The following MPDZ variants were observed in gnomAD, a reference collection of about 807,000 sequenced individuals.
MPDZ encodes multiple PDZ domain crumbs cell polarity complex component, also known as multiple PDZ domain protein.
A neutral mutation model predicts 239.1 loss-of-function variants in MPDZ; 234 were observed. The observed-to-expected ratio is 0.98, with a 90% confidence interval of 0.88 to 1.09. MPDZ has a LOEUF of 1.09. Among genes scored for constraint, MPDZ ranks in the 50% least tolerant of loss-of-function variants. The pLI is 0.00. For synonymous variants in MPDZ, 1,048 were observed against 881.3 expected (o/e 1.19, Z -3.35); for missense variants, 3,175 against 2,510.0 (o/e 1.26, Z -5.66).
chr9:13,219,617 G>A lies in MPDZ; in HGVS notation c.1028C>T (p.Ala343Val). Residue 343 changes from alanine to valine, a missense_variant, in exon 8 of 47, where the codon GCA becomes GTA. Coordinates refer to ENST00000319217, the MANE Select transcript of MPDZ (RefSeq NM_001378778.1). ...IARGAIEERTAPTALGITLSS... is the reference protein window; with the variant it reads ...IARGAIEERTVPTALGITLSS... ...GAGGGTGATGCCCAAAGCAGTGGGT[G>A]CTGTACGTTCTTCTATGGCACCTCT... The A allele has an allele frequency of 6.2e-7, 1 of 1,612,434 alleles. No individual in the cohort carries two copies. Among genetic ancestry groups the A allele is most frequent in the Non-Finnish European group, 8.5e-7 (1 of 1,179,100 alleles).
intron 22 of MPDZ, among the ~76,000 whole-genome samples, chr9:13,163,055 A>G (rs976255148): frequency 9.9e-5 from 15 of 152,152 alleles, no homozygotes; most frequent in African/African-American, 3.6e-4. Flanking sequence ...GCAGAGAAGG[A>G]AAACAATTAT....
At chr9:13,149,662 GCAC>G (rs1948893631) in intron 25 of MPDZ, among the ~76,000 whole-genome samples, 1 of 152,024 alleles carries the variant, frequency 6.6e-6, no homozygotes, top group Non-Finnish European at 1.5e-5. Context: ...GCCTGTTATA[GCAC>G]CTGGAATGCA....
intron 21 of MPDZ, among the ~76,000 whole-genome samples, chr9:13,174,519 G>C (rs954853180): frequency 6.6e-6 from 1 of 152,088 alleles, no homozygotes; most frequent in African/African-American, 2.4e-5. Flanking sequence ...ATGCACACTG[G>C]AGTATAAAAG....
At chr9:13,116,454 A>T (rs1943463492) in intron 39 of MPDZ, among the ~76,000 whole-genome samples, 1 of 152,208 alleles carries the variant, frequency 6.6e-6, no homozygotes, top group Admixed American at 6.5e-5. Flanking sequence ...TTATTCAGTG[A>T]TGAGAGTACA....
At chr9:13,138,258 C>A (rs1947134697) in intron 28 of MPDZ, 105 bp from the exon 29 acceptor site, 1 of 1,207,710 alleles carries the variant, frequency 8.3e-7, no homozygotes, top group Non-Finnish European at 1.1e-6. Context: ...AGATTTTATA[C>A]CAAAATGTAC....
intron 32 of MPDZ, among the ~76,000 whole-genome samples, chr9:13,127,939 A>C (rs1374771150): frequency 6.6e-6 from 1 of 152,216 alleles, no homozygotes; most frequent in Non-Finnish European, 1.5e-5. Flanking sequence ...TGGAATAATA[A>C]TACTTGTCAC....
At chr9:13,252,168 TTGG>T (rs1968214315) in intron 1 of MPDZ, among the ~76,000 whole-genome samples, 1 of 152,118 alleles carries the variant, frequency 6.6e-6, no homozygotes, top group East Asian at 1.9e-4. Context: ...AACAAATAAA[TTGG>T]TGATTTATTT....
At chr9:13,193,571 A>T (rs1200863930) in intron 13 of MPDZ, among the ~76,000 whole-genome samples, 1 of 152,168 alleles carries the variant, frequency 6.6e-6, no homozygotes, top group African/African-American at 2.4e-5. Flanking sequence ...GTTTCTCATA[A>T]ATAGGTACAA....
At chr9:13,215,965 T>C (rs1382075950) in intron 10 of MPDZ, among the ~76,000 whole-genome samples, 1 of 147,830 alleles carries the variant, frequency 6.8e-6, no homozygotes, top group Non-Finnish European at 1.5e-5. Flanking sequence ...TTTTTTTTTT[T>C]TTTTAGAGAT....
At chr9:13,278,217 G>A (rs1974680460) in intron 1 of MPDZ, among the ~76,000 whole-genome samples, 1 of 152,104 alleles carries the variant, frequency 6.6e-6, no homozygotes, top group Non-Finnish European at 1.5e-5. Context: ...CTTCTACGCT[G>A]GTGAAGTCAT....
At chr9:13,215,070 G>A (rs867025624) in intron 10 of MPDZ, among the ~76,000 whole-genome samples, 17 of 151,826 alleles carry the variant, frequency 1.1e-4, no homozygotes, top group Non-Finnish European at 2.1e-4. Context: ...ACAGGTCTCC[G>A]GAATTTTTTC....
rs1586998658 is a variant in MPDZ, at chr9:13,126,680, C to T, written c.4557G>A (p.Thr1519=). The T allele has an allele frequency of 5.0e-6, 8 of 1,613,352 alleles. No individual in the cohort carries two copies. The highest frequency in any genetic ancestry group is 1.6e-4 in the Middle Eastern group (1 of 6,082). ...TGACAGCAAGAAAGGTAAACCTCAC[C>T]GTGGCTGCTACCCCATGCTCTGTTA... ...KSLTEHGVAA[T]DGRLKVGDQI... is the part of the protein sequence containing the mutation. The change falls in exon 33 of 47, where the codon ACG becomes ACA. Residue 1519 remains threonine, a splice_region_variant and synonymous_variant. Coordinates refer to ENST00000319217, the MANE Select transcript of MPDZ (RefSeq NM_001378778.1).
At chr9:13,229,011 T>C (rs954443625) in intron 3 of MPDZ, among the ~76,000 whole-genome samples, 1 of 152,166 alleles carries the variant, frequency 6.6e-6, no homozygotes, top group East Asian at 1.9e-4. Context: ...CCAGAAGAAA[T>C]GGACAGTATC....
intron 43 of MPDZ, 25 bp from the exon 44 acceptor site, chr9:13,110,765 C>T: frequency 1.3e-6 from 2 of 1,580,604 alleles, no homozygotes; most frequent in Non-Finnish European, 1.7e-6. Flanking sequence ...AAGAAACAGC[C>T]ATCTGCTAAA....
intron 1 of MPDZ, among the ~76,000 whole-genome samples, chr9:13,264,618 A>G (rs1447347507): frequency 6.6e-6 from 1 of 151,128 alleles, no homozygotes; most frequent in African/African-American, 2.4e-5. Flanking sequence ...CCATTGCATT[A>G]TATTTATTTC....
intron 32 of MPDZ, among the ~76,000 whole-genome samples, chr9:13,128,766 C>T (rs183795880): frequency 1.3e-4 from 20 of 152,280 alleles, no homozygotes; most frequent in Admixed American, 3.9e-4. Flanking sequence ...GCTCAGAAGG[C>T]TTGAACAGCC....
chr9:13,136,079 A>G lies in MPDZ; in HGVS notation c.4383+13T>C, dbSNP rs202003862. 4.3e-5 allele frequency: 67 copies of G among 1,547,188 alleles called. No homozygotes were observed. The African/African-American group carries it at 7.2e-4, about 17-fold the overall frequency. On this transcript the variant is annotated intron_variant, in intron 31 of 46. Transcript: ENST00000319217. ...CAAGTCTTCCCAGAGAAACAAACAT[A>G]AGTTACATATACCTCCTTATTTTGA...
intron 25 of MPDZ, among the ~76,000 whole-genome samples, chr9:13,148,336 G>C (rs1948703116): frequency 6.6e-6 from 1 of 152,024 alleles, no homozygotes; most frequent in African/African-American, 2.4e-5. Context: ...GAATAAGAAG[G>C]AAAATAGTTT....
chr9:13,210,719 C>A (rs1462591306), intron 10 of MPDZ, among the ~76,000 whole-genome samples: 1 of 152,008 alleles, frequency 6.6e-6, no homozygotes, highest in Admixed American at 6.6e-5. Context: ...AATGATGGGA[C>A]TCAAAAGAGA....
Sources: gnomAD v4.1 joint callset for allele counts (sites outside exome capture counted in the v4.1 genomes callset) on GRCh38, gnomAD v4.1.1 for gene constraint, MANE v1.5 for transcripts, NCBI Gene and HGNC (gene_info 2026-07-23, HGNC 2026-07-21) for gene names.